ADCY2: variants seen among roughly 807,000 people sequenced by gnomAD.
ADCY2 encodes adenylate cyclase type 2.
Under a neutral mutation model 125.2 loss-of-function variants are expected in ADCY2, and 31 were observed. The ratio of observed to expected loss-of-function variants is 0.25; its 90% CI spans 0.19 to 0.33. The LOEUF is 0.33. ADCY2 is among the 10% of genes least tolerant of loss of function. ADCY2 has a pLI of 1.00. For synonymous variants in ADCY2, 512 were observed against 548.4 expected (o/e 0.93, Z 0.93); for missense variants, 904 against 1,418.2 (o/e 0.64, Z 5.82).
intron 4 of ADCY2, among the ~76,000 whole-genome samples, chr5:7,658,399 TTGTGTGTGTG>T (rs369870574): frequency 7.6e-6 from 1 of 130,942 alleles, no homozygotes; most frequent in African/African-American, 2.9e-5. Flanking sequence ...GTGAAGAGAA[TTGTGTGTGTG>T]TGTGTGTGTG....
At chr5:7,403,763 T>C (rs932864386) in intron 1 of ADCY2, among the ~76,000 whole-genome samples, 2 of 152,184 alleles carry the variant, frequency 1.3e-5, no homozygotes, top group African/African-American at 2.4e-5. Context: ...GTTATAGAAA[T>C]TGAGATTCAT....
chr5:7,613,173 A>G (rs1737630227), intron 3 of ADCY2, among the ~76,000 whole-genome samples: 1 of 151,922 alleles, frequency 6.6e-6, no homozygotes, highest in Non-Finnish European at 1.5e-5. Context: ...AAAAAAAAAG[A>G]TTGCACACAA....
chr5:7,771,150 G>A (rs1194983016), intron 17 of ADCY2, among the ~76,000 whole-genome samples: 1 of 152,146 alleles, frequency 6.6e-6, no homozygotes. Context: ...AAGGTGACAA[G>A]GGCTGAACTC....
At chr5:7,634,110 C>T (rs1738413422) in intron 4 of ADCY2, among the ~76,000 whole-genome samples, 1 of 152,138 alleles carries the variant, frequency 6.6e-6, no homozygotes, top group South Asian at 2.1e-4. Context: ...GGCCACTATG[C>T]CTTTTAATGG....
chr5:7,491,346 A>G (rs1500271), intron 2 of ADCY2, among the ~76,000 whole-genome samples: 106,719 of 152,000 alleles, frequency 0.7, 37,770 homozygotes, highest in Non-Finnish European at 0.73. Context: ...CCGCCTCCTG[A>G]CTTCAAGCCA....
intron 2 of ADCY2, among the ~76,000 whole-genome samples, chr5:7,486,403 C>T (rs1240730364): frequency 6.6e-6 from 1 of 152,174 alleles, no homozygotes; most frequent in Non-Finnish European, 1.5e-5. Flanking sequence ...TATAAACTTT[C>T]TGTGCGAATT....
chr5:7,811,423 C>T (rs997158184), intron 22 of ADCY2, among the ~76,000 whole-genome samples: 1 of 151,794 alleles, frequency 6.6e-6, no homozygotes, highest in Non-Finnish European at 1.5e-5. Flanking sequence ...ATAGTGTGAA[C>T]CCGGGAGGCG....
chr5:7,826,625 G>C lies in ADCY2; in HGVS notation c.3124-94G>C, dbSNP rs113597683. ...AGGAGTGGAATTCCTGGGTCAAAGA[G>C]CATGGTGCTTTTTTTAGCTCTGCAT... On this transcript the variant is annotated intron_variant, in intron 24 of 24. Transcript: ENST00000338316. The C allele has an allele frequency of 3.5e-3, 5,348 of 1,531,976 alleles. 184 individuals carry two copies. In the African/African-American group the frequency reaches 0.065, roughly 19 times the overall value. The allele number at this position is 1,531,976 out of a possible 1,614,324, so 94.9% of individuals were successfully genotyped here. A position where few individuals can be genotyped will look rare whatever the true frequency, so the allele number is the denominator to read the frequency against.
chr5:7,816,067 G>A (rs1162887941), intron 22 of ADCY2, among the ~76,000 whole-genome samples: 1 of 152,132 alleles, frequency 6.6e-6, no homozygotes, highest in African/African-American at 2.4e-5. Flanking sequence ...TTGGATTAGG[G>A]CCCACCCTTA....
Position 7,709,094 on chromosome 5 carries a change from A to G in ADCY2, c.1402-117A>G. 9.7e-7 allele frequency: 1 copy of G among 1,029,906 alleles called. No homozygotes were observed. The highest frequency in any genetic ancestry group is 3.0e-5 in the South Asian group (1 of 33,624). The allele number at this position is 1,029,906 out of a possible 1,614,324, so 63.8% of individuals were successfully genotyped here. On this transcript the variant is annotated intron_variant, in intron 9 of 24. Coordinates refer to ENST00000338316, the MANE Select transcript of ADCY2 (RefSeq NM_020546.3). This position sits in a 1 kb window ranked among gnomAD's most constrained non-coding sequence, Gnocchi z 4.4. ...CTGAAGGAATAAGGACAGAAAACAC[A>G]GAGGGCGAATAGAGGGCTGTCAGGA...
chr5:7,566,107 G>A (rs1735884461), intron 3 of ADCY2, among the ~76,000 whole-genome samples: 1 of 152,176 alleles, frequency 6.6e-6, no homozygotes, highest in Non-Finnish European at 1.5e-5. Context: ...CTTGGGTTCA[G>A]CAAGGAATTG....
chr5:7,430,057 T>G (rs1740531583), intron 2 of ADCY2, among the ~76,000 whole-genome samples: 1 of 152,144 alleles, frequency 6.6e-6, no homozygotes, highest in African/African-American at 2.4e-5. Context: ...ACCTTAAAAG[T>G]TTAATAAGGA....
At chr5:7,563,761 C>T (rs1735802794) in intron 3 of ADCY2, among the ~76,000 whole-genome samples, 1 of 152,176 alleles carries the variant, frequency 6.6e-6, no homozygotes, top group Non-Finnish European at 1.5e-5. Context: ...ATTTTACTTT[C>T]TATCTTAAAA....
chr5:7,613,889 A>T (rs888217700), intron 3 of ADCY2, among the ~76,000 whole-genome samples: 1 of 152,226 alleles, frequency 6.6e-6, no homozygotes, highest in Non-Finnish European at 1.5e-5. Flanking sequence ...GAAATAAAAG[A>T]CAAAAACCAG....
intron 4 of ADCY2, among the ~76,000 whole-genome samples, chr5:7,673,364 G>A (rs575713675): frequency 4.4e-4 from 64 of 144,160 alleles, no homozygotes; most frequent in African/African-American, 1.4e-3. Flanking sequence ...ACCTGAGCTC[G>A]GAGGTGGAGG....
intron 15 of ADCY2, 98 bp from the exon 16 acceptor site, chr5:7,757,351 A>G: frequency 6.8e-7 from 1 of 1,460,086 alleles, no homozygotes; most frequent in Non-Finnish European, 9.3e-7. Flanking sequence ...TCTATGAACA[A>G]TGTTGGTGCT....
intron 15 of ADCY2, among the ~76,000 whole-genome samples, chr5:7,747,102 C>G (rs1742649191): frequency 6.6e-6 from 1 of 152,150 alleles, no homozygotes; most frequent in African/African-American, 2.4e-5. Context: ...CTGTGAGAAG[C>G]CCAGCCCTCG....
chr5:7,586,450 A>G (rs73048174), intron 3 of ADCY2, among the ~76,000 whole-genome samples: 4,285 of 152,176 alleles, frequency 0.028, 191 homozygotes, highest in African/African-American at 0.097. Flanking sequence ...TCCTTTCCAG[A>G]TCTCAGTGCA....
At chr5:7,538,023 G>T (rs1284736953) in intron 3 of ADCY2, among the ~76,000 whole-genome samples, 1 of 152,192 alleles carries the variant, frequency 6.6e-6, no homozygotes, top group Non-Finnish European at 1.5e-5. Context: ...TCTCAGAGCA[G>T]TCATAATTCT....
Sources: allele counts gnomAD v4.1 joint callset (sites outside exome capture counted in the v4.1 genomes callset), GRCh38; gene constraint gnomAD v4.1.1; non-coding constraint Gnocchi (gnomAD v3.1); transcripts MANE v1.5; gene names NCBI Gene and HGNC (gene_info 2026-07-23, HGNC 2026-07-21).